PACRG: variants seen among roughly 807,000 people sequenced by gnomAD.
PACRG encodes the protein parkin coregulated gene protein.
PACRG carries 29 observed loss-of-function variants against 29.7 expected under a neutral mutation model. The ratio of observed to expected loss-of-function variants is 0.98; its 90% CI spans 0.73 to 1.33. PACRG has a LOEUF of 1.33. Ranked by LOEUF, PACRG falls within the 40% of genes most tolerant of loss-of-function variation. The pLI is 0.00. For synonymous variants in PACRG, 116 were observed against 118.7 expected (o/e 0.98, Z 0.15); for missense variants, 279 against 316.2 (o/e 0.88, Z 0.89).
At chr6:163,077,004 A>G (rs1161958866) in intron 3 of PACRG, among the ~76,000 whole-genome samples, 2 of 152,232 alleles carry the variant, frequency 1.3e-5, no homozygotes, top group Non-Finnish European at 2.9e-5. Context: ...TAATTTAATA[A>G]GGTACATAAC....
intron 2 of PACRG, among the ~76,000 whole-genome samples, chr6:162,938,618 C>A (rs1205611642): frequency 6.6e-6 from 1 of 152,172 alleles, no homozygotes; most frequent in African/African-American, 2.4e-5. Context: ...CTCCCACCAG[C>A]AGTGTAGAAG....
At chr6:163,046,555 T>A (rs1809415100) in intron 2 of PACRG, 1 of 152,014 alleles carries the variant, frequency 6.6e-6, no homozygotes, top group African/African-American at 2.4e-5. Context: ...AGTCACAGCA[T>A]TTGAAAACTG....
intron 2 of PACRG, among the ~76,000 whole-genome samples, chr6:162,916,949 A>G (rs573694840): frequency 5.9e-5 from 9 of 152,178 alleles, no homozygotes; most frequent in Non-Finnish European, 1.0e-4. Flanking sequence ...CTAGTGGTGG[A>G]TACTTTCTTC....
At chr6:163,090,991 A>T (rs927665617) in intron 4 of PACRG, among the ~76,000 whole-genome samples, 1 of 152,304 alleles carries the variant, frequency 6.6e-6, no homozygotes, top group Non-Finnish European at 1.5e-5. Flanking sequence ...CCATGTGAAC[A>T]GTTATTCTGT....
intron 3 of PACRG, among the ~76,000 whole-genome samples, chr6:163,087,702 G>A (rs1813719538): frequency 1.3e-5 from 2 of 150,354 alleles, no homozygotes; most frequent in Non-Finnish European, 3.0e-5. Context: ...GAGGAGGTGA[G>A]GATGGAAACC....
chr6:163,047,855 T>C (rs1011445779), intron 2 of PACRG, among the ~76,000 whole-genome samples: 28 of 152,210 alleles, frequency 1.8e-4, no homozygotes, highest in African/African-American at 6.8e-4. Flanking sequence ...ATTATTTCTG[T>C]CTTCCGTTTA....
chr6:163,092,915 C>G (rs1562907592), intron 4 of PACRG, among the ~76,000 whole-genome samples: 1 of 152,224 alleles, frequency 6.6e-6, no homozygotes, highest in Non-Finnish European at 1.5e-5. Context: ...CCATAGCGCT[C>G]TCTCGTTGGG....
chr6:163,187,410 G>C (rs1779995398), intron 4 of PACRG, among the ~76,000 whole-genome samples: 1 of 152,082 alleles, frequency 6.6e-6, no homozygotes, highest in African/African-American at 2.4e-5. Flanking sequence ...GCTCAGGACT[G>C]GCCCCATCTC....
chr6:162,807,677 A>G (rs995150577), intron 1 of PACRG, among the ~76,000 whole-genome samples: 1 of 152,138 alleles, frequency 6.6e-6, no homozygotes, highest in Non-Finnish European at 1.5e-5. Context: ...GGTCACCATA[A>G]CAGATATAAT....
At chr6:162,796,083 G>A (rs542269989) in intron 1 of PACRG, among the ~76,000 whole-genome samples, 2 of 151,860 alleles carry the variant, frequency 1.3e-5, no homozygotes, top group Non-Finnish European at 2.9e-5. Context: ...TAATTGTACT[G>A]GCTAGTGCCT....
chr6:162,838,219 C>T (rs78412393), intron 2 of PACRG, among the ~76,000 whole-genome samples: 282 of 152,298 alleles, frequency 1.9e-3, no homozygotes, highest in African/African-American at 6.3e-3. Flanking sequence ...CGTGGCTTGA[C>T]ATAGTAAGGC....
At chr6:162,806,862 T>C (rs1459502208) in intron 1 of PACRG, among the ~76,000 whole-genome samples, 1 of 152,220 alleles carries the variant, frequency 6.6e-6, no homozygotes, top group Admixed American at 6.5e-5. Flanking sequence ...TTATCCTCAG[T>C]AGCTTTAGCA....
intron 2 of PACRG, among the ~76,000 whole-genome samples, chr6:162,872,985 C>G (rs1308932829): frequency 6.6e-6 from 1 of 152,122 alleles, no homozygotes; most frequent in Non-Finnish European, 1.5e-5. Flanking sequence ...AAAAATTACT[C>G]AGTTAAGAAG....
intron 4 of PACRG, among the ~76,000 whole-genome samples, chr6:163,201,670 C>T (rs970954418): frequency 3.9e-5 from 6 of 152,242 alleles, no homozygotes; most frequent in African/African-American, 1.4e-4. Context: ...AAGGAGGGGG[C>T]AGGATGCAGC....
At chr6:162,827,388 A>G (rs1788377981) in intron 2 of PACRG, among the ~76,000 whole-genome samples, 1 of 152,228 alleles carries the variant, frequency 6.6e-6, no homozygotes, top group South Asian at 2.1e-4. Context: ...AATATGGACT[A>G]TGGTGACTAT....
At chr6:162,727,742 C>G (rs1362063712), upstream of PACRG, 2 of 1,472,382 alleles carry the variant, frequency 1.4e-6, no homozygotes, top group Non-Finnish European at 1.9e-6. Flanking sequence ...CGCCTCCCAC[C>G]AGCGGCTCTC....
chr6:163,027,552 A>G (rs2128225532), intron 2 of PACRG, among the ~76,000 whole-genome samples: 1 of 152,278 alleles, frequency 6.6e-6, no homozygotes, highest in African/African-American at 2.4e-5. Context: ...CATGAATAGA[A>G]AAAAATCTTA....
rs1380652528 is a variant in PACRG at position 162,994,102 on chromosome 6, G to T, written c.292-68048G>T. Among the ~76,000 whole-genome samples the T allele has an allele frequency of 3.7e-5, 5 of 135,640 alleles. No individual in the cohort carries two copies. In the South Asian group the frequency reaches 1.2e-3, roughly 31 times the overall value. The allele number at this position is 135,640 out of a possible 152,430, so 89.0% of individuals were successfully genotyped here. On this transcript the variant is annotated intron_variant, in intron 2 of 4. Coordinates refer to ENST00000366888, the MANE Select transcript of PACRG (RefSeq NM_001080379.2). The stretch of plus-strand genomic sequence containing the variant: ...TCTTCTGGCTTGTAGTGTTTCTGCC[G>T]AGAGATCCGCTGTTAGTCTGATGGG...
At chr6:163,309,927 A>G (rs548694238) in intron 4 of PACRG, 61 of 152,378 alleles carry the variant, frequency 4.0e-4, no homozygotes, top group African/African-American at 1.4e-3. Flanking sequence ...AAGTATAGAT[A>G]GAGTTCATAA....
Sources: allele counts gnomAD v4.1 joint callset (sites outside exome capture counted in the v4.1 genomes callset), GRCh38; gene constraint gnomAD v4.1.1; transcripts MANE v1.5; gene names NCBI Gene and HGNC (gene_info 2026-07-23, HGNC 2026-07-21).